Variants in FARP2 observed in about 807,000 individuals in gnomAD.
FARP2 encodes FERM, ARHGEF and pleckstrin domain-containing protein 2.
Under a neutral mutation model 130.5 loss-of-function variants are expected in FARP2, and 111 were observed. The ratio of observed to expected loss-of-function variants is 0.85; its 90% CI spans 0.73 to 1.00. The LOEUF is 1.00. FARP2 is among the 50% of genes least tolerant of loss of function. The pLI is 0.00. For synonymous variants in FARP2, 504 were observed against 516.9 expected (o/e 0.98, Z 0.34); for missense variants, 1,385 against 1,346.3 (o/e 1.03, Z -0.45).
chr2:241,371,867 C>T (rs1449443006), intron 1 of FARP2, among the ~76,000 whole-genome samples: 1 of 151,860 alleles, frequency 6.6e-6, no homozygotes, highest in Non-Finnish European at 1.5e-5. Flanking sequence ...TAAAAACAAG[C>T]TAGTATTATT....
chr2:241,410,478 A>G (rs28386824), intron 5 of FARP2, among the ~76,000 whole-genome samples: 28,376 of 150,214 alleles, frequency 0.19, 2,914 homozygotes, highest in East Asian at 0.4. Context: ...GTTGCCTAAC[A>G]TGGAGTGCAG....
chr2:241,423,327 A>G (rs896053285), intron 8 of FARP2, among the ~76,000 whole-genome samples: 3 of 152,192 alleles, frequency 2.0e-5, no homozygotes, highest in Non-Finnish European at 4.4e-5. Context: ...TTAGGAAAAA[A>G]TTTCCAACCC....
rs192747457 is a variant in FARP2, at chr2:241,482,903, C to T, written c.2263-562C>T. Reference sequence around the variant, plus strand: ...TTCTTATCTAACGCCCTGTGGTGGACGAGGTGGTGCTAATTTGAATACTTA... The same window carrying T: ...TTCTTATCTAACGCCCTGTGGTGGATGAGGTGGTGCTAATTTGAATACTTA... On this transcript the variant is annotated intron_variant, in intron 19 of 26. Coordinates refer to ENST00000264042, the MANE Select transcript of FARP2 (RefSeq NM_014808.4). The surrounding 1 kb of genome is among the most constrained non-coding windows in gnomAD (Gnocchi z 4.6). 1.3e-5 allele frequency among the ~76,000 whole-genome samples: 2 copies of T among 152,094 alleles called. No individual in the cohort carries two copies. The highest frequency in any genetic ancestry group is 2.4e-5 in the African/African-American group (1 of 41,416).
rs759404982 is a variant in FARP2, at chr2:241,428,809, C to G, written c.772-2870C>G. On this transcript the variant is annotated intron_variant, in intron 8 of 26. Transcript: ENST00000264042. ...CTTTAGCAGTTACTCCGCCAGCCCC[C>G]AGCAACCACTGGTATCCAGAACAGG... is the stretch of plus-strand genomic sequence containing the variant. 7.9e-5 allele frequency among the ~76,000 whole-genome samples: 12 copies of G among 152,306 alleles called. No individual in the cohort carries two copies. In the South Asian group the frequency reaches 1.0e-3, roughly 13 times the overall value.
At chr2:241,443,698 C>T (rs181330996) in intron 13 of FARP2, 1 of 152,416 alleles carries the variant, frequency 6.6e-6, no homozygotes, top group East Asian at 1.9e-4. Flanking sequence ...TCAGCACCCA[C>T]AAGTGCCGGT....
chr2:241,448,596 T>C (rs888444853), intron 13 of FARP2, among the ~76,000 whole-genome samples: 2 of 152,228 alleles, frequency 1.3e-5, no homozygotes, highest in Admixed American at 1.3e-4. Flanking sequence ...CCTTCACTTA[T>C]TCAAGAGGAG....
Position 241,411,106 on chromosome 2 carries a change from C to G in FARP2, c.484C>G (p.Leu162Val). 1 of 1,611,372 alleles carries G rather than the reference C, an allele frequency of 6.2e-7. No individual in the cohort carries two copies. The highest frequency in any genetic ancestry group is 1.7e-5 in the Admixed American group (1 of 59,794). ...RLTCADTTAA[L>V]LTSHLLQSEI... ...GACCTGTGCTGACACCACAGCGGCC[C>G]TTCTCACGTCCCATCTCCTGCAGTG... Residue 162 changes from leucine (L) to valine (V), a missense_variant, in exon 6 of 27, where the codon CTT (leucine) becomes GTT (valine). Physicochemically the swap from Leu to Val is conservative, Grantham distance 32 (BLOSUM62 1). Coordinates refer to ENST00000264042, the MANE Select transcript of FARP2 (RefSeq NM_014808.4).
intron 14 of FARP2, among the ~76,000 whole-genome samples, chr2:241,461,418 C>T (rs2064014021): frequency 6.6e-6 from 1 of 151,754 alleles, no homozygotes; most frequent in African/African-American, 2.4e-5. Context: ...TCCAGAAGGC[C>T]CACGTGGCCT....
At chr2:241,484,046 A>G in intron 20 of FARP2, 196 bp from the exon 21 acceptor site, 1 of 1,378,118 alleles carries the variant, frequency 7.3e-7, no homozygotes, top group South Asian at 1.5e-5. Flanking sequence ...CAGCAGATGC[A>G]CTGGTTCCTG....
chr2:241,400,323 A>G (rs1190459925), intron 2 of FARP2, among the ~76,000 whole-genome samples: 1 of 152,224 alleles, frequency 6.6e-6, no homozygotes, highest in Non-Finnish European at 1.5e-5. Flanking sequence ...GCAGTGGTGG[A>G]CAGTCCGGGA....
intron 1 of FARP2, among the ~76,000 whole-genome samples, chr2:241,366,114 TATATATAC>T (rs2061306214): frequency 9.2e-5 from 3 of 32,706 alleles, no homozygotes; most frequent in Non-Finnish European, 1.9e-4. Context: ...AATATATATA[TATATATAC>T]GTATATATAT....
At chr2:241,447,814 C>T (rs374972309) in intron 13 of FARP2, among the ~76,000 whole-genome samples, 35 of 152,218 alleles carry the variant, frequency 2.3e-4, no homozygotes, top group African/African-American at 7.7e-4. Context: ...GACACTGCCT[C>T]CTGCTTTTGA....
At chr2:241,367,018 C>G (rs1004563593) in intron 1 of FARP2, among the ~76,000 whole-genome samples, 1 of 152,044 alleles carries the variant, frequency 6.6e-6, no homozygotes, top group Non-Finnish European at 1.5e-5. Flanking sequence ...TGTCAGTAAG[C>G]GCTCTTCCAT....
At chr2:241,434,383 T>A in intron 10 of FARP2, 62 bp downstream of exon 10, 1 of 1,210,038 alleles carries the variant, frequency 8.3e-7, no homozygotes, top group Non-Finnish European at 1.1e-6. Flanking sequence ...AGAAAATAGG[T>A]AATTCCTAGT....
Position 241,407,571 on chromosome 2 carries a change from A to T in FARP2, c.366A>T (p.Lys122Asn), listed in dbSNP as rs1354644724. The T allele has an allele frequency of 2.5e-6, 4 of 1,613,928 alleles. No individual in the cohort carries two copies. The highest frequency in any genetic ancestry group is 1.7e-5 in the Admixed American group (1 of 59,990). Residue 122 changes from lysine (K) to asparagine (N), a missense_variant, in exon 5 of 27, where the codon AAA (lysine) becomes AAT (asparagine). Physicochemically the swap from Lys to Asn is moderately conservative, Grantham distance 94. Coordinates refer to ENST00000264042, the MANE Select transcript of FARP2 (RefSeq NM_014808.4). ...ATGTGGTGCTTCGCCTAGCTGTAAAATTTTTTCCACCTGATCCTGGTCAGC... is the reference window on the plus strand; with the variant it reads ...ATGTGGTGCTTCGCCTAGCTGTAAATTTTTTTCCACCTGATCCTGGTCAGC... ...PKNVVLRLAV[K>N]FFPPDPGQLQ...
intron 14 of FARP2, among the ~76,000 whole-genome samples, chr2:241,460,578 A>C (rs1333239190): frequency 6.6e-6 from 1 of 152,236 alleles, no homozygotes; most frequent in Non-Finnish European, 1.5e-5. Context: ...ACATCCAGCC[A>C]AGAAAAGACT....
At chr2:241,427,241 A>G (rs1388252438) in intron 8 of FARP2, among the ~76,000 whole-genome samples, 1 of 150,170 alleles carries the variant, frequency 6.7e-6, no homozygotes, top group Admixed American at 6.6e-5. Flanking sequence ...GTCTCAAAAC[A>G]CACACACACA....
chr2:241,425,105 A>T (rs2150384325), intron 8 of FARP2, among the ~76,000 whole-genome samples: 1 of 152,196 alleles, frequency 6.6e-6, no homozygotes, highest in Non-Finnish European at 1.5e-5. Flanking sequence ...TACTTGAGAG[A>T]CTGAGGAAGG....
At chr2:241,365,200 G>A (rs374855676) in intron 1 of FARP2, among the ~76,000 whole-genome samples, 76 of 152,262 alleles carry the variant, frequency 5.0e-4, no homozygotes, top group African/African-American at 1.2e-3. Context: ...ATTCACAAAA[G>A]TAGAGAAAAT....
Sources: gnomAD v4.1 joint callset for allele counts (sites outside exome capture counted in the v4.1 genomes callset) on GRCh38, gnomAD v4.1.1 for gene constraint, Gnocchi (gnomAD v3.1) non-coding constraint, MANE v1.5 for transcripts, NCBI Gene and HGNC (gene_info 2026-07-23, HGNC 2026-07-21) for gene names.